Variants in CEMIP observed in about 807,000 individuals in gnomAD.
CEMIP encodes cell migration inducing hyaluronidase 1.
Under a neutral mutation model 156.9 loss-of-function variants are expected in CEMIP, and 105 were observed. The ratio of observed to expected loss-of-function variants is 0.67; its 90% CI spans 0.57 to 0.79. The LOEUF is 0.79. Among genes scored for constraint, CEMIP ranks in the 30% least tolerant of loss-of-function variants. CEMIP has a pLI of 0.00. For missense variants in CEMIP, 1,457 were observed against 1,769.4 expected (o/e 0.82, Z 3.17); for synonymous variants, 676 against 668.4 (o/e 1.01, Z -0.17).
chr15:80,921,143 G>A, intron 16 of CEMIP, 42 bp downstream of exon 16: 1 of 1,574,732 alleles, frequency 6.4e-7, no homozygotes, highest in Non-Finnish European at 8.7e-7. Flanking sequence ...GTGAGGGTGG[G>A]GGCTGGAGTC....
At chr15:80,904,412 C>A (rs1279314412) in intron 12 of CEMIP, among the ~76,000 whole-genome samples, 1 of 152,164 alleles carries the variant, frequency 6.6e-6, no homozygotes, top group Non-Finnish European at 1.5e-5. Context: ...AGAAGGAGGA[C>A]TCTGTGATAG....
rs1901756187 is a variant in CEMIP at position 80,950,144 on chromosome 15, G to C, written c.*1220G>C. On this transcript the variant is annotated 3_prime_UTR_variant, in exon 30 of 30. Coordinates refer to ENST00000394685, the MANE Select transcript of CEMIP (RefSeq NM_001293298.2). The stretch of plus-strand genomic sequence containing the variant: ...AACTGAGCACAGGGGGCCTCCAGGA[G>C]ACCCTAGATGTGCTCGTACTCCCTC... The C allele has an allele frequency of 6.6e-6, 1 of 152,240 alleles. No homozygotes were observed. Among genetic ancestry groups the C allele is most frequent in the Non-Finnish European group, 1.5e-5 (1 of 68,048 alleles). The allele number at this position is 152,240 out of a possible 1,614,324, so 9.4% of individuals were successfully genotyped here. A position where few individuals can be genotyped will look rare whatever the true frequency, so the allele number is the denominator to read the frequency against.
At chr15:80,916,046 A>G (rs147872493) in intron 14 of CEMIP, among the ~76,000 whole-genome samples, 17 of 152,264 alleles carry the variant, frequency 1.1e-4, no homozygotes, top group Admixed American at 7.8e-4. Flanking sequence ...AGTAAAGTTC[A>G]CTTCTATCTG....
intron 1 of CEMIP, among the ~76,000 whole-genome samples, chr15:80,810,698 TG>T (rs1307696930): frequency 6.6e-6 from 1 of 152,210 alleles, no homozygotes; most frequent in Admixed American, 6.5e-5. Context: ...CTCACTGACT[TG>T]GCTCCTTGAG....
intron 19 of CEMIP, among the ~76,000 whole-genome samples, chr15:80,926,973 A>G (rs933466125): frequency 2.6e-5 from 4 of 151,806 alleles, no homozygotes; most frequent in Non-Finnish European, 5.9e-5. Flanking sequence ...TGGGATTACA[A>G]GCGTGCACCA....
At chr15:80,792,091 A>T (rs1567048804) in intron 1 of CEMIP, among the ~76,000 whole-genome samples, 1 of 152,230 alleles carries the variant, frequency 6.6e-6, no homozygotes, top group Non-Finnish European at 1.5e-5. Context: ...CCATCCCTGT[A>T]TGTGGTCTTA....
intron 14 of CEMIP, among the ~76,000 whole-genome samples, chr15:80,918,768 T>C (rs1045922469): frequency 6.6e-6 from 1 of 152,100 alleles, no homozygotes; most frequent in Admixed American, 6.6e-5. Flanking sequence ...AGCATCTCTC[T>C]GGAGTGTCTG....
intron 1 of CEMIP, among the ~76,000 whole-genome samples, chr15:80,845,618 T>C (rs1456034551): frequency 1.3e-5 from 2 of 152,208 alleles, no homozygotes; most frequent in Non-Finnish European, 2.9e-5. Flanking sequence ...CTCCTTCTCC[T>C]TGGTCTTCAT....
chr15:80,946,524 CTT>C (rs910213142), intron 28 of CEMIP: 9 of 188,256 alleles, frequency 4.8e-5, no homozygotes, highest in African/African-American at 2.1e-4. Flanking sequence ...CACCTCCTCT[CTT>C]TCTCTTCCCT....
chr15:80,936,980 AGC>A, intron 24 of CEMIP, 95 bp downstream of exon 24: 1 of 1,180,746 alleles, frequency 8.5e-7, no homozygotes, highest in Admixed American at 1.8e-5. Context: ...ACCACAGGCT[AGC>A]CCATGTGATC....
intron 14 of CEMIP, among the ~76,000 whole-genome samples, chr15:80,919,413 A>G (rs1327145671): frequency 1.3e-5 from 2 of 152,172 alleles, no homozygotes; most frequent in African/African-American, 2.4e-5. Flanking sequence ...GGCCCAGCCC[A>G]TGGCCTCCTC....
Position 80,894,985 on chromosome 15 carries a change from C to T in CEMIP, c.1087-5C>T, listed in dbSNP as rs1231289163. 1.2e-6 allele frequency: 2 copies of T among 1,613,918 alleles called. No individual in the cohort carries two copies. The highest frequency in any genetic ancestry group is 1.1e-5 in the South Asian group (1 of 91,054). On this transcript the variant is annotated splice_polypyrimidine_tract_variant and splice_region_variant and intron_variant, in intron 10 of 29. Transcript: ENST00000394685. The stretch of plus-strand genomic sequence containing the variant: ...TTTGCTCTGTAATTTCTGTGTCATT[C>T]CCAGGCCACTACAATGGATGGAGTT...
intron 1 of CEMIP, among the ~76,000 whole-genome samples, chr15:80,829,181 T>A (rs1897101585): frequency 6.6e-6 from 1 of 152,174 alleles, no homozygotes; most frequent in South Asian, 2.1e-4. Context: ...AACTCCCACC[T>A]TGAAATACCT....
At chr15:80,909,016 C>A in intron 13 of CEMIP, 81 bp from the exon 14 acceptor site, 1 of 1,297,408 alleles carries the variant, frequency 7.7e-7, no homozygotes, top group East Asian at 2.3e-5. Flanking sequence ...AATGCCTCTG[C>A]ATCTTTGGAA....
Position 80,880,926 on chromosome 15 carries a change from C to T in CEMIP, c.407C>T (p.Pro136Leu). The T allele has an allele frequency of 6.2e-7, 1 of 1,614,142 alleles. No homozygotes were observed. Among genetic ancestry groups the T allele is most frequent in the Non-Finnish European group, 8.5e-7 (1 of 1,180,010 alleles). Residue 136 changes from proline (P) to leucine (L), a missense_variant, in exon 6 of 30, where the codon CCT (proline) becomes CTT (leucine). Pro to Leu is a moderately conservative substitution (Grantham distance 98). Around this residue, in one of 5 missense-constraint regions of CEMIP, gnomAD observed 309 missense variants for 340.8 expected, o/e 0.91. Transcript: ENST00000394685. ...GRADEGIQPD[P>L]YYGLKYIGVG... ...GCTGATGAAGGTATTCAGCCGGATC[C>T]TTACTATGGTCTGAAGTACATTGGG...
chr15:80,946,650 T>A (rs905153613), intron 28 of CEMIP: 1 of 372,010 alleles, frequency 2.7e-6, no homozygotes, highest in African/African-American at 2.1e-5. Context: ...AGCCCTGGCA[T>A]GGTACGCTCT....
At chr15:80,912,414 TG>T (rs1596186222) in intron 14 of CEMIP, among the ~76,000 whole-genome samples, 1 of 152,104 alleles carries the variant, frequency 6.6e-6, no homozygotes, top group Non-Finnish European at 1.5e-5. Context: ...GGAGGGCCAT[TG>T]TACAGACACT....
chr15:80,931,751 A>G (rs1220273065), intron 21 of CEMIP, 108 bp from the exon 22 acceptor site: 9 of 1,092,338 alleles, frequency 8.2e-6, no homozygotes, highest in Admixed American at 1.7e-5. Context: ...CTCTGCTACC[A>G]TCCACCTCAG....
intron 1 of CEMIP, among the ~76,000 whole-genome samples, chr15:80,851,343 G>A (rs866941666): frequency 1.3e-5 from 2 of 152,166 alleles, no homozygotes; most frequent in Non-Finnish European, 2.9e-5. Flanking sequence ...TGAGTCATTT[G>A]TTCATTGATC....
Sources: gnomAD v4.1 joint callset for allele counts (sites outside exome capture counted in the v4.1 genomes callset) on GRCh38, gnomAD v4.1.1 for gene constraint, gnomAD v4.1.1 regional missense constraint, MANE v1.5 for transcripts, NCBI Gene and HGNC (gene_info 2026-07-23, HGNC 2026-07-21) for gene names.